The following TCERG1L variants were observed in gnomAD, a reference collection of about 807,000 sequenced individuals.
TCERG1L encodes transcription elongation regulator 1-like protein.
In TCERG1L, 37 loss-of-function variants were observed where a neutral mutation model predicts 56.3. The ratio of observed to expected loss-of-function variants is 0.66; its 90% CI spans 0.51 to 0.87. The LOEUF (loss-of-function observed/expected upper bound fraction) is 0.87. Ranked by LOEUF, TCERG1L falls within the 40% of genes least tolerant of loss-of-function variation. The pLI is 0.00. For missense variants in TCERG1L, 799 were observed against 774.2 expected (o/e 1.03, Z -0.38); for synonymous variants, 324 against 326.3 (o/e 0.99, Z 0.08).
chr10:131,199,426 T>C (rs1425163460), intron 4 of TCERG1L, among the ~76,000 whole-genome samples: 2 of 152,212 alleles, frequency 1.3e-5, no homozygotes, highest in Non-Finnish European at 2.9e-5. Flanking sequence ...ACAAATGTCC[T>C]AGTTCACTGC....
At chr10:131,155,905 C>T (rs577616018) in intron 6 of TCERG1L, 1 of 152,362 alleles carries the variant, frequency 6.6e-6, no homozygotes, top group East Asian at 1.9e-4. Context: ...TTTAATTCAA[C>T]ATTAGAGTCC....
intron 4 of TCERG1L, among the ~76,000 whole-genome samples, chr10:131,176,431 C>T (rs1303053023): frequency 6.0e-5 from 3 of 50,416 alleles, no homozygotes; most frequent in Non-Finnish European, 1.6e-4. Context: ...GACACATGTA[C>T]ACACAGAGAT....
Position 131,174,047 on chromosome 10 carries a change from G to A in TCERG1L, c.857-7162C>T, listed in dbSNP as rs564878190. 4.6e-5 allele frequency among the ~76,000 whole-genome samples: 7 copies of A among 152,250 alleles called. No individual in the cohort carries two copies. The East Asian group carries it at 1.2e-3, about 25-fold the overall frequency. Reference sequence around the variant, plus strand: ...GGAGGGGATGGAGTCGGAGTGGCAGGTGCTCCCTAGGGGTCCGGAAGAGCC... The same window carrying A: ...GGAGGGGATGGAGTCGGAGTGGCAGATGCTCCCTAGGGGTCCGGAAGAGCC... On this transcript the variant is annotated intron_variant, in intron 4 of 11. Coordinates refer to ENST00000368642, the MANE Select transcript of TCERG1L (RefSeq NM_174937.4).
chr10:131,176,257 G>A (rs1190431970), intron 4 of TCERG1L, among the ~76,000 whole-genome samples: 3 of 145,724 alleles, frequency 2.1e-5, no homozygotes, highest in Non-Finnish European at 3.0e-5. Context: ...CACAGAGACG[G>A]ATGCACACAC....
intron 9 of TCERG1L, among the ~76,000 whole-genome samples, chr10:131,106,101 T>C (rs538728483): frequency 7.9e-5 from 12 of 152,220 alleles, no homozygotes; most frequent in Non-Finnish European, 1.8e-4. Flanking sequence ...TAGTGAGGTG[T>C]TGTTGCTTCT....
intron 4 of TCERG1L, among the ~76,000 whole-genome samples, chr10:131,206,488 C>T (rs375828664): frequency 9.8e-5 from 15 of 152,318 alleles, no homozygotes; most frequent in African/African-American, 3.1e-4. Context: ...GAATAGAGGG[C>T]GTTTTATCCA....
At chr10:131,303,715 C>G (rs998003394) in intron 3 of TCERG1L, among the ~76,000 whole-genome samples, 10 of 152,160 alleles carry the variant, frequency 6.6e-5, no homozygotes, top group African/African-American at 2.4e-4. Context: ...ATGTTGTCTT[C>G]TATCATCAGA....
intron 3 of TCERG1L, among the ~76,000 whole-genome samples, chr10:131,284,802 A>G (rs1208867444): frequency 6.6e-6 from 1 of 152,166 alleles, no homozygotes; most frequent in Non-Finnish European, 1.5e-5. Context: ...TATAAATTCT[A>G]GAAGAAAAAT....
intron 4 of TCERG1L, among the ~76,000 whole-genome samples, chr10:131,223,227 T>C (rs1347452834): frequency 6.6e-6 from 1 of 152,134 alleles, no homozygotes; most frequent in African/African-American, 2.4e-5. Flanking sequence ...TGGGACCCCA[T>C]GGGAACTGGG....
At chr10:131,262,761 C>T (rs1193563463) in intron 3 of TCERG1L, among the ~76,000 whole-genome samples, 1 of 152,094 alleles carries the variant, frequency 6.6e-6, no homozygotes, top group Non-Finnish European at 1.5e-5. Flanking sequence ...AGCCATTGTA[C>T]CACCACTGTG....
At chr10:131,164,865 C>T (rs1411171039) in intron 5 of TCERG1L, among the ~76,000 whole-genome samples, 1 of 152,162 alleles carries the variant, frequency 6.6e-6, no homozygotes. Flanking sequence ...CCAAAGTCCT[C>T]GTGGGGAGCC....
Position 131,252,445 on chromosome 10 carries a change from C to T in TCERG1L, c.856+7814G>A, listed in dbSNP as rs552367282. ...CTCCCACCCAGACCCCTGGATGGAA[C>T]ATGGGCCTGAATGTCAGCTTTCTCC... On this transcript the variant is annotated intron_variant, in intron 4 of 11. Coordinates refer to ENST00000368642, the MANE Select transcript of TCERG1L (RefSeq NM_174937.4). Among the ~76,000 whole-genome samples the T allele has an allele frequency of 1.1e-4, 17 of 152,230 alleles. No individual in the cohort carries two copies. The East Asian group carries it at 3.3e-3, about 29-fold the overall frequency.
rs960827413 is a variant in TCERG1L, at chr10:131,288,493, C to T, written c.670+19718G>A. On this transcript the variant is annotated intron_variant, in intron 3 of 11. Coordinates refer to ENST00000368642, the MANE Select transcript of TCERG1L (RefSeq NM_174937.4). ...ACGCACTGTGGGATACCCGCTGTGCCGGGAGGTGGGTGCTACCACCCAGGG... is the reference window on the plus strand; with the variant it reads ...ACGCACTGTGGGATACCCGCTGTGCTGGGAGGTGGGTGCTACCACCCAGGG... Among the ~76,000 whole-genome samples the T allele has an allele frequency of 3.3e-5, 5 of 152,108 alleles. No homozygotes were observed. The South Asian group carries it at 6.2e-4, about 19-fold the overall frequency.
intron 3 of TCERG1L, among the ~76,000 whole-genome samples, chr10:131,276,255 A>G (rs1247828535): frequency 6.6e-6 from 1 of 152,190 alleles, no homozygotes; most frequent in Non-Finnish European, 1.5e-5. Flanking sequence ...CTGTTGCTAA[A>G]AAGATTAACC....
chr10:131,187,541 T>C (rs1845257623), intron 4 of TCERG1L, among the ~76,000 whole-genome samples: 1 of 151,966 alleles, frequency 6.6e-6, no homozygotes, highest in South Asian at 2.1e-4. Flanking sequence ...TGCTTGAAAA[T>C]GGGGCAGATC....
intron 4 of TCERG1L, among the ~76,000 whole-genome samples, chr10:131,169,908 A>C (rs1846071417): frequency 6.6e-6 from 1 of 151,256 alleles, no homozygotes; most frequent in Non-Finnish European, 1.5e-5. Context: ...AAACATATTA[A>C]GATATTTTTC....
chr10:131,179,968 A>G (rs1351654695), intron 4 of TCERG1L, among the ~76,000 whole-genome samples: 1 of 152,164 alleles, frequency 6.6e-6, no homozygotes, highest in Non-Finnish European at 1.5e-5. Flanking sequence ...TGATTTCTTC[A>G]TGCTTTAGTT....
At chr10:131,110,021 C>T (rs1589776883) in intron 9 of TCERG1L, among the ~76,000 whole-genome samples, 4 of 152,184 alleles carry the variant, frequency 2.6e-5, no homozygotes, top group Non-Finnish European at 4.4e-5. Context: ...CTGCAGGTCG[C>T]GTGTGGCACC....
chr10:131,180,472 A>G (rs1845161335), intron 4 of TCERG1L, among the ~76,000 whole-genome samples: 1 of 152,214 alleles, frequency 6.6e-6, no homozygotes, highest in Non-Finnish European at 1.5e-5. Flanking sequence ...AGGACATTGT[A>G]TTTTTACGTT....
Sources: gnomAD v4.1 joint callset for allele counts (sites outside exome capture counted in the v4.1 genomes callset) on GRCh38, gnomAD v4.1.1 for gene constraint, MANE v1.5 for transcripts, NCBI Gene and HGNC (gene_info 2026-07-23, HGNC 2026-07-21) for gene names.